The following WWC2 variants were observed in gnomAD, a reference collection of about 807,000 sequenced individuals.
WWC2 encodes WW and C2 domain containing 2.
WWC2 carries 101 observed loss-of-function variants against 138.5 expected under a neutral mutation model. The observed-to-expected ratio is 0.73, with a 90% CI of 0.62 to 0.86. WWC2 has a LOEUF of 0.86. WWC2 is among the 40% of genes least tolerant of loss of function. WWC2 has a pLI of 0.00. For missense variants in WWC2, 1,420 were observed against 1,419.4 expected, an observed-to-expected ratio of 1.00 and a Z score of -0.01; for synonymous variants, 558 against 538.4, an observed-to-expected ratio of 1.04 and a Z score of -0.50.
At chr4:183,314,908 G>C (rs532969094) in intron 22 of WWC2, among the ~76,000 whole-genome samples, 4 of 152,192 alleles carry the variant, frequency 2.6e-5, no homozygotes, top group Admixed American at 2.6e-4. Context: ...CCTCAGCTCT[G>C]GTTTCTAACC....
At chr4:183,162,253 A>C (rs1211071163) in intron 1 of WWC2, among the ~76,000 whole-genome samples, 1 of 152,190 alleles carries the variant, frequency 6.6e-6, no homozygotes, top group East Asian at 1.9e-4. Context: ...AAATTGCAGT[A>C]TACTAAATAC....
At position 183,269,035 on chromosome 4, in the gene WWC2, C is replaced by G. The variant is rs189130242; in HGVS notation, c.2272C>G (p.His758Asp). ...CAGCTGTCTGTTTCGCACAAAAGTT[C>G]ATCCGCCCACAGAATCCATTTTATT... Reference protein sequence around the residue: ...DVSCLFRTKVHPPTESILFND... With the variant: ...DVSCLFRTKVDPPTESILFND... The change falls in exon 15 of 23, where the codon CAT (histidine) becomes GAT (aspartate). Residue 758 changes from histidine (H) to aspartate (D), a missense_variant. Physicochemically the swap from His to Asp is moderately conservative, Grantham distance 81. Coordinates refer to ENST00000403733, the MANE Select transcript of WWC2 (RefSeq NM_024949.6). The G allele has an allele frequency of 1.4e-5, 22 of 1,613,918 alleles. No homozygotes were observed. The highest frequency in any genetic ancestry group is 1.0e-5 in the Non-Finnish European group (12 of 1,179,868).
At chr4:183,290,854 C>T (rs1738425339) in intron 21 of WWC2, among the ~76,000 whole-genome samples, 3 of 152,192 alleles carry the variant, frequency 2.0e-5, no homozygotes. Flanking sequence ...GTTATTTGAT[C>T]ATGTCATGTA....
At chr4:183,308,970 A>C (rs1003622436) in intron 21 of WWC2, among the ~76,000 whole-genome samples, 2 of 152,326 alleles carry the variant, frequency 1.3e-5, no homozygotes, top group African/African-American at 4.8e-5. Flanking sequence ...AAAGAAAATA[A>C]ATCAAAAAAA....
intron 6 of WWC2, 148 bp from the exon 7 acceptor site, chr4:183,248,566 T>G: frequency 2.6e-6 from 2 of 765,446 alleles, no homozygotes; most frequent in Non-Finnish European, 3.9e-6. Flanking sequence ...GCTGTTATTT[T>G]TTCAATTATA....
At chr4:183,133,286 C>G (rs533166313) in intron 1 of WWC2, among the ~76,000 whole-genome samples, 2 of 151,570 alleles carry the variant, frequency 1.3e-5, no homozygotes, top group South Asian at 2.1e-4. Context: ...TCCCAAGAGG[C>G]TGGGACTATA....
At chr4:183,116,120 G>A (rs1732401373) in intron 1 of WWC2, among the ~76,000 whole-genome samples, 1 of 152,072 alleles carries the variant, frequency 6.6e-6, no homozygotes. Flanking sequence ...GCTCATTTTT[G>A]TCAACTTTGT....
intron 1 of WWC2, among the ~76,000 whole-genome samples, chr4:183,187,622 G>A (rs1434922500): frequency 6.7e-6 from 1 of 150,138 alleles, no homozygotes; most frequent in Non-Finnish European, 1.5e-5. Context: ...TGTAATCCCA[G>A]CACTTTGGGA....
intron 16 of WWC2, among the ~76,000 whole-genome samples, chr4:183,274,503 G>A (rs1318269955): frequency 1.3e-5 from 2 of 152,034 alleles, no homozygotes; most frequent in African/African-American, 2.4e-5. Flanking sequence ...AGATTTGAAG[G>A]AGGCACATGT....
At chr4:183,189,093 T>C (rs6848121) in intron 1 of WWC2, among the ~76,000 whole-genome samples, 150,636 of 152,148 alleles carry the variant, frequency 0.99, 74,591 homozygotes, top group East Asian at 1. Context: ...TTCTACTATT[T>C]TCCTTTGTTT....
At chr4:183,211,692 C>G (rs1004647919) in intron 4 of WWC2, among the ~76,000 whole-genome samples, 3 of 152,200 alleles carry the variant, frequency 2.0e-5, no homozygotes, top group Non-Finnish European at 4.4e-5. Flanking sequence ...CAGCTGCCAG[C>G]CCTTCTCTGT....
At chr4:183,176,898 T>G (rs1424757901) in intron 1 of WWC2, among the ~76,000 whole-genome samples, 1 of 152,124 alleles carries the variant, frequency 6.6e-6, no homozygotes, top group Non-Finnish European at 1.5e-5. Context: ...GAGGAGTTTT[T>G]CAATACTGCA....
At chr4:183,247,670 ATTATATG>A (rs1309366406) in intron 6 of WWC2, among the ~76,000 whole-genome samples, 3 of 138,908 alleles carry the variant, frequency 2.2e-5, no homozygotes, top group Non-Finnish European at 4.6e-5. Context: ...TATACTATAT[ATTATATG>A]TACTATATTC....
intron 22 of WWC2, among the ~76,000 whole-genome samples, chr4:183,313,560 A>G (rs1421326894): frequency 6.6e-6 from 1 of 152,066 alleles, no homozygotes; most frequent in Non-Finnish European, 1.5e-5. Flanking sequence ...CATGACCAGT[A>G]GACAAGTGGA....
chr4:183,173,031 C>T (rs1026003360), intron 1 of WWC2, among the ~76,000 whole-genome samples: 2 of 151,852 alleles, frequency 1.3e-5, no homozygotes, highest in African/African-American at 4.8e-5. Context: ...ACCTCCCCTC[C>T]CCTTCTCTCC....
chr4:183,114,032 G>T (rs929601788), intron 1 of WWC2, among the ~76,000 whole-genome samples: 1 of 152,140 alleles, frequency 6.6e-6, no homozygotes, highest in Non-Finnish European at 1.5e-5. Flanking sequence ...CCAAAGTTCT[G>T]TTTCCGATGT....
chr4:183,132,904 T>G (rs1028935981), intron 1 of WWC2, among the ~76,000 whole-genome samples: 8 of 151,770 alleles, frequency 5.3e-5, no homozygotes, highest in African/African-American at 1.9e-4. Flanking sequence ...TTATTATTAT[T>G]GCACTTGCTA....
rs576724095 is a variant in WWC2, at chr4:183,267,020, A to G, written c.2207+1069A>G. On this transcript the variant is annotated intron_variant, in intron 14 of 22. Coordinates refer to ENST00000403733, the MANE Select transcript of WWC2 (RefSeq NM_024949.6). ...TATGTAGTTGACAATAGAAGAATAG[A>G]GATAGTGGCTTTCTTTTTTTTTTTT... Among the ~76,000 whole-genome samples, 5 of 152,128 alleles carry G rather than the reference A, an allele frequency of 3.3e-5. No homozygotes were observed. The South Asian group carries it at 1.0e-3, about 32-fold the overall frequency.
chr4:183,298,695 T>C (rs1489881771), intron 21 of WWC2, among the ~76,000 whole-genome samples: 15 of 152,244 alleles, frequency 9.9e-5, no homozygotes, highest in Admixed American at 9.8e-4. Context: ...TATACTCACC[T>C]ATGAATTAAG....
Sources: gnomAD v4.1 joint callset for allele counts (sites outside exome capture counted in the v4.1 genomes callset) on GRCh38, gnomAD v4.1.1 for gene constraint, MANE v1.5 for transcripts, NCBI Gene and HGNC (gene_info 2026-07-23, HGNC 2026-07-21) for gene names.